Variants in NBEA observed in about 807,000 individuals in gnomAD.
The protein encoded by NBEA is lysosomal-trafficking regulator 2.
A neutral mutation model predicts 343.4 loss-of-function variants in NBEA; 44 were observed. The observed-to-expected ratio is 0.13, with a 90% confidence interval of 0.10 to 0.16. NBEA has a LOEUF of 0.16. NBEA is among the 10% of genes least tolerant of loss of function. The pLI is 1.00. For missense variants in NBEA, 2,555 were observed against 3,631.3 expected, an observed-to-expected ratio of 0.70 and a Z score of 7.62; for synonymous variants, 1,175 against 1,238.7, an observed-to-expected ratio of 0.95 and a Z score of 1.08.
intron 10 of NBEA, among the ~76,000 whole-genome samples, chr13:35,083,678 G>A (rs1053601803): frequency 6.6e-6 from 1 of 152,008 alleles, no homozygotes; most frequent in African/African-American, 2.4e-5. Flanking sequence ...AGACCACCAA[G>A]GCTAGGAAGA....
chr13:35,284,008 A>ACACG (rs1378674352), intron 34 of NBEA, among the ~76,000 whole-genome samples: 1 of 143,192 alleles, frequency 7.0e-6, no homozygotes, highest in Admixed American at 7.0e-5. Context: ...ACACACACAC[A>ACACG]CACACACCAC....
intron 53 of NBEA, among the ~76,000 whole-genome samples, chr13:35,653,054 C>T (rs2084635500): frequency 6.6e-6 from 1 of 152,034 alleles, no homozygotes; most frequent in African/African-American, 2.4e-5. Context: ...GCAAATGTTT[C>T]ATATGAATTG....
chr13:35,057,399 G>A (rs1173415219), intron 7 of NBEA, among the ~76,000 whole-genome samples: 2 of 152,074 alleles, frequency 1.3e-5, no homozygotes, highest in African/African-American at 2.4e-5. Flanking sequence ...TAAGCTGGGG[G>A]CTAAGAATCT....
At chr13:35,653,198 G>C (rs889113541) in intron 53 of NBEA, among the ~76,000 whole-genome samples, 1 of 152,074 alleles carries the variant, frequency 6.6e-6, no homozygotes, top group Admixed American at 6.5e-5. Flanking sequence ...ATATATGTAA[G>C]ACAGTTTTTA....
At position 35,299,367 on chromosome 13, in the gene NBEA, G is replaced by A. The variant is rs535924321; in HGVS notation, c.5838+8917G>A. ...TGTACATTGAGTTGACATAGATGGG[G>A]AGAAACTGATGGGAAGCATTATATT... On this transcript the variant is annotated intron_variant, in intron 35 of 58. Coordinates refer to ENST00000379939, the MANE Select transcript of NBEA (RefSeq NM_001385012.1). 2.0e-5 allele frequency among the ~76,000 whole-genome samples: 3 copies of A among 152,236 alleles called. No individual in the cohort carries two copies. The East Asian group carries it at 5.8e-4, about 29-fold the overall frequency.
intron 35 of NBEA, among the ~76,000 whole-genome samples, chr13:35,305,460 G>T (rs1420129137): frequency 1.3e-5 from 2 of 152,044 alleles, no homozygotes; most frequent in Non-Finnish European, 2.9e-5. Context: ...AGCGCTTTTG[G>T]TGTGTTTGCA....
chr13:35,029,003 G>A (rs2062109600), intron 1 of NBEA, among the ~76,000 whole-genome samples: 1 of 151,364 alleles, frequency 6.6e-6, no homozygotes, highest in Non-Finnish European at 1.5e-5. Flanking sequence ...ATTATTAAAA[G>A]TTATTATAAA....
intron 38 of NBEA, among the ~76,000 whole-genome samples, chr13:35,426,014 A>G (rs1027399732): frequency 2.0e-5 from 3 of 152,126 alleles, no homozygotes; most frequent in Non-Finnish European, 2.9e-5. Context: ...ATCTTTCTCC[A>G]TCCCTTTATT....
intron 41 of NBEA, among the ~76,000 whole-genome samples, chr13:35,547,799 G>A (rs1179951181): frequency 1.3e-5 from 2 of 152,096 alleles, no homozygotes; most frequent in African/African-American, 4.8e-5. Context: ...TGAAGCAGGA[G>A]AATCGCTTGA....
intron 36 of NBEA, among the ~76,000 whole-genome samples, chr13:35,345,823 C>T (rs964819430): frequency 1.3e-5 from 2 of 152,116 alleles, no homozygotes; most frequent in African/African-American, 2.4e-5. Context: ...AGCATAAAGA[C>T]TTGTGAAATG....
At chr13:35,584,543 A>G (rs376321937) in intron 46 of NBEA, among the ~76,000 whole-genome samples, 3 of 149,058 alleles carry the variant, frequency 2.0e-5, no homozygotes, top group African/African-American at 7.5e-5. Flanking sequence ...TCTGTTGCCC[A>G]GGCTGGAGTG....
chr13:34,976,705 A>C (rs1486106933), intron 1 of NBEA, among the ~76,000 whole-genome samples: 1 of 145,464 alleles, frequency 6.9e-6, no homozygotes, highest in African/African-American at 2.6e-5. Flanking sequence ...TTCATAAAGG[A>C]GAGATATATA....
intron 31 of NBEA, among the ~76,000 whole-genome samples, chr13:35,205,869 TAA>T (rs1387737972): frequency 6.6e-6 from 1 of 152,096 alleles, no homozygotes; most frequent in Admixed American, 6.6e-5. Flanking sequence ...ATAGCAATCT[TAA>T]GTTTATGATG....
At chr13:35,648,866 T>TGGGGGGGGG (rs1566458896) in intron 51 of NBEA, among the ~76,000 whole-genome samples, 1 of 13,674 alleles carries the variant, frequency 7.3e-5, no homozygotes, top group African/African-American at 2.7e-4. Context: ...GTCATGGGGG[T>TGGGGGGGGG]GGGGGTGGTG....
chr13:35,289,167 G>A (rs925204089), intron 34 of NBEA, among the ~76,000 whole-genome samples: 1 of 151,776 alleles, frequency 6.6e-6, no homozygotes, highest in Admixed American at 6.6e-5. Context: ...ATCACCTCAA[G>A]AAACAAAAAT....
intron 31 of NBEA, among the ~76,000 whole-genome samples, chr13:35,202,060 A>G (rs1009414332): frequency 2.6e-5 from 4 of 152,196 alleles, no homozygotes; most frequent in Admixed American, 6.5e-5. Flanking sequence ...TTCACCAGCC[A>G]GAAGTATCTA....
chr13:35,589,138 A>T (rs1224118007), intron 46 of NBEA, among the ~76,000 whole-genome samples: 1 of 152,118 alleles, frequency 6.6e-6, no homozygotes, highest in Non-Finnish European at 1.5e-5. Context: ...TACTTAACCA[A>T]GAGCCTAGTG....
intron 39 of NBEA, among the ~76,000 whole-genome samples, chr13:35,439,943 G>A (rs1046135952): frequency 2.0e-5 from 3 of 152,064 alleles, no homozygotes; most frequent in Non-Finnish European, 2.9e-5. Context: ...GCAATGGTGC[G>A]ATCTTGGCTC....
At chr13:35,434,833 C>G (rs192146738) in intron 39 of NBEA, among the ~76,000 whole-genome samples, 3 of 152,258 alleles carry the variant, frequency 2.0e-5, no homozygotes, top group Non-Finnish European at 4.4e-5. Context: ...GAAAATATCT[C>G]TTCAGAAGAA....
Sources: allele counts gnomAD v4.1 joint callset (sites outside exome capture counted in the v4.1 genomes callset), GRCh38; gene constraint gnomAD v4.1.1; transcripts MANE v1.5; gene names NCBI Gene and HGNC (gene_info 2026-07-23, HGNC 2026-07-21).